KCTD3: variants seen among roughly 807,000 people sequenced by gnomAD.
KCTD3 encodes potassium channel tetramerization domain containing 3, also known as BTB/POZ domain-containing protein KCTD3.
KCTD3 carries 41 observed loss-of-function variants against 85.8 expected under a neutral mutation model. The ratio of observed to expected loss-of-function variants is 0.48; its 90% CI spans 0.37 to 0.62. KCTD3 has a LOEUF of 0.62. KCTD3 is among the 20% of genes least tolerant of loss of function. The pLI is 0.00. For synonymous variants in KCTD3, 338 were observed against 345.4 expected (o/e 0.98, Z 0.24); for missense variants, 724 against 989.9 (o/e 0.73, Z 3.60).
chr1:215,587,164 C>CT (rs1358225196), intron 9 of KCTD3, among the ~76,000 whole-genome samples: 2 of 149,504 alleles, frequency 1.3e-5, no homozygotes, highest in African/African-American at 4.9e-5. Context: ...GAGTCTCGCT[C>CT]TGTCGCCCAG....
intron 8 of KCTD3, among the ~76,000 whole-genome samples, chr1:215,582,750 C>T (rs188530450): frequency 5.9e-5 from 9 of 151,916 alleles, no homozygotes; most frequent in South Asian, 4.2e-4. Context: ...TTAGTAGAGA[C>T]GGGGTTTCAC....
intron 6 of KCTD3, 43 bp downstream of exon 6, chr1:215,578,124 A>G (rs754735094): frequency 1.9e-5 from 29 of 1,536,640 alleles, no homozygotes; most frequent in South Asian, 4.7e-5. Flanking sequence ...TCCTTGTATC[A>G]TTAAGCAAGT....
chr1:215,589,914 G>A (rs1265847415), intron 9 of KCTD3, among the ~76,000 whole-genome samples: 1 of 152,182 alleles, frequency 6.6e-6, no homozygotes, highest in Non-Finnish European at 1.5e-5. Context: ...TCAAGTAGAA[G>A]TCTTTCTGTG....
intron 3 of KCTD3, among the ~76,000 whole-genome samples, chr1:215,574,701 A>G (rs556701426): frequency 3.9e-5 from 6 of 152,294 alleles, no homozygotes; most frequent in South Asian, 2.1e-4. Context: ...AAAGTTATCA[A>G]TAATAAGATC....
intron 11 of KCTD3, 53 bp downstream of exon 11, chr1:215,602,007 G>C: frequency 7.1e-7 from 1 of 1,410,166 alleles, no homozygotes; most frequent in Admixed American, 1.8e-5. Context: ...TTTTAAATGA[G>C]AACAAGAAAA....
chr1:215,600,939 ATTT>A, intron 10 of KCTD3, among the ~76,000 whole-genome samples: 1 of 142,500 alleles, frequency 7.0e-6, no homozygotes, highest in East Asian at 2.0e-4. Context: ...TAGCAAACAC[ATTT>A]TTTTTTTTTT....
chr1:215,575,809 T>A, intron 3 of KCTD3, 92 bp from the exon 4 acceptor site: 1 of 661,686 alleles, frequency 1.5e-6, no homozygotes. Flanking sequence ...AGTATTTAAG[T>A]AATTAAGACT....
At chr1:215,588,857 A>C (rs190879083) in intron 9 of KCTD3, among the ~76,000 whole-genome samples, 1 of 152,316 alleles carries the variant, frequency 6.6e-6, no homozygotes, top group East Asian at 1.9e-4. Flanking sequence ...CTCTCTGCCA[A>C]ATCTTTAGAT....
chr1:215,579,980 C>A lies in KCTD3; in HGVS notation c.607C>A (p.His203Asn). The A allele has an allele frequency of 6.2e-7, 1 of 1,609,410 alleles. No homozygotes were observed. The highest frequency in any genetic ancestry group is 8.5e-7 in the Non-Finnish European group (1 of 1,175,792). The change falls in exon 8 of 18, where the codon CAT (histidine) becomes AAT (asparagine). Residue 203 changes from histidine to asparagine, a missense_variant. Coordinates refer to ENST00000259154, the MANE Select transcript of KCTD3 (RefSeq NM_016121.5). ...CAACTGGATTGTAGCTGCATATGCC[C>A]ATTTTGCTGTGTGTTACAGGTAGTG... is the stretch of plus-strand genomic sequence containing the variant. ...HHNWIVAAYA[H>N]FAVCYRIKES...
At chr1:215,602,057 A>C (rs1397888430) in intron 11 of KCTD3, 28 bp from the exon 12 acceptor site, 1 of 1,435,150 alleles carries the variant, frequency 7.0e-7, no homozygotes, top group African/African-American at 1.4e-5. Context: ...TATTTATTTT[A>C]ATGCTGTTTA....
intron 8 of KCTD3, among the ~76,000 whole-genome samples, chr1:215,582,026 A>G (rs1659843888): frequency 6.6e-6 from 1 of 152,212 alleles, no homozygotes; most frequent in Non-Finnish European, 1.5e-5. Context: ...TGCTGAGTTT[A>G]TGACAGTGTT....
At chr1:215,600,961 C>G (rs1482341378) in intron 10 of KCTD3, among the ~76,000 whole-genome samples, 1 of 150,434 alleles carries the variant, frequency 6.6e-6, no homozygotes, top group Non-Finnish European at 1.5e-5. Flanking sequence ...TTTTGGATAC[C>G]AAGTCTCACT....
At chr1:215,591,614 G>A (rs1399475890) in intron 9 of KCTD3, among the ~76,000 whole-genome samples, 4 of 152,022 alleles carry the variant, frequency 2.6e-5, no homozygotes, top group Admixed American at 6.6e-5. Flanking sequence ...CTCAGCCTCC[G>A]AAGTGCTGGG....
intron 8 of KCTD3, chr1:215,581,170 C>T (rs1228695154): frequency 3.2e-5 from 8 of 247,136 alleles, no homozygotes; most frequent in Admixed American, 1.5e-4. Context: ...CACTTGAACC[C>T]AGGAGGTGGG....
chr1:215,580,353 C>A (rs775593441), intron 8 of KCTD3, among the ~76,000 whole-genome samples: 93 of 152,138 alleles, frequency 6.1e-4, no homozygotes, highest in Non-Finnish European at 1.1e-3. Context: ...GATGGTCTAT[C>A]TCTAATGATT....
chr1:215,598,496 T>C (rs1419502484), intron 10 of KCTD3, among the ~76,000 whole-genome samples: 1 of 152,078 alleles, frequency 6.6e-6, no homozygotes, highest in Non-Finnish European at 1.5e-5. Flanking sequence ...AAGAATCCTG[T>C]AGAAAGAGTA....
Position 215,620,511 on chromosome 1 carries a change from G to A in KCTD3, c.2341G>A (p.Asp781Asn). 1 of 1,613,376 alleles carries A rather than the reference G, an allele frequency of 6.2e-7. No individual in the cohort carries two copies. The highest frequency in any genetic ancestry group is 8.5e-7 in the Non-Finnish European group (1 of 1,179,356). The change falls in exon 18 of 18, where the codon GAT (aspartate) becomes AAT (asparagine). Residue 781 changes from aspartate to asparagine, a missense_variant. Coordinates refer to ENST00000259154, the MANE Select transcript of KCTD3 (RefSeq NM_016121.5). ...TCTGGCGTCATCACCAAGTACTTCC[G>A]ATGGAGGAACTGACTCACCTGGTAC... ...PYLASSPSTS[D>N]GGTDSPGTAS...
In KCTD3 at chr1:215,567,759, G is replaced by C. The variant is rs1478099579; in HGVS notation, c.74G>C (p.Gly25Ala). 3.2e-6 allele frequency: 4 copies of C among 1,244,786 alleles called. No homozygotes were observed. The highest frequency in any genetic ancestry group is 4.0e-6 in the Non-Finnish European group (4 of 988,216). The allele number at this position is 1,244,786 out of a possible 1,614,324, so 77.1% of individuals were successfully genotyped here. A position where few individuals can be genotyped will look rare whatever the true frequency, so the allele number is the denominator to read the frequency against. Residue 25 changes from glycine to alanine, a missense_variant, in exon 1 of 18, where the codon GGG (glycine) becomes GCG (alanine). Transcript: ENST00000259154. ...GSGEIVQLNVGGTRFSTSRQT... is the reference protein window; with the variant it reads ...GSGEIVQLNVAGTRFSTSRQT... ...GGCGAGATCGTCCAACTGAACGTAGGGGGGACCAGGTGAGTCGGCGGGTAG... is the reference window on the plus strand; with the variant it reads ...GGCGAGATCGTCCAACTGAACGTAGCGGGGACCAGGTGAGTCGGCGGGTAG...
At chr1:215,569,337 T>A (rs1659277403) in intron 1 of KCTD3, among the ~76,000 whole-genome samples, 1 of 152,008 alleles carries the variant, frequency 6.6e-6, no homozygotes, top group Non-Finnish European at 1.5e-5. Context: ...ACCAGGATGG[T>A]CTTGATCTCC....
Sources: allele counts gnomAD v4.1 joint callset (sites outside exome capture counted in the v4.1 genomes callset), GRCh38; gene constraint gnomAD v4.1.1; transcripts MANE v1.5; gene names NCBI Gene and HGNC (gene_info 2026-07-23, HGNC 2026-07-21).